AP2A2: variants seen among roughly 807,000 people sequenced by gnomAD.
The protein encoded by AP2A2 is AP-2 complex subunit alpha-2.
In AP2A2, 32 loss-of-function variants were observed where a neutral mutation model predicts 104.2. The ratio of observed to expected loss-of-function variants is 0.31; its 90% CI spans 0.23 to 0.41. The LOEUF is 0.41. Ranked by LOEUF, AP2A2 falls within the 10% of genes least tolerant of loss-of-function variation. The pLI is 1.00. For synonymous variants in AP2A2, 539 were observed against 533.3 expected (o/e 1.01, Z -0.15); for missense variants, 912 against 1,261.0 (o/e 0.72, Z 4.19).
chr11:969,148 T>C (rs1003520433), intron 2 of AP2A2, among the ~76,000 whole-genome samples: 1 of 149,758 alleles, frequency 6.7e-6, no homozygotes, highest in Non-Finnish European at 1.5e-5. Flanking sequence ...CACAGCCTGC[T>C]GGAGGCTGGC....
intron 1 of AP2A2, among the ~76,000 whole-genome samples, chr11:945,587 CCT>C (rs1256609243): frequency 6.6e-6 from 1 of 152,140 alleles, no homozygotes; most frequent in African/African-American, 2.4e-5. Context: ...CCCGCCTCGG[CCT>C]CTCAAAGTGC....
At chr11:1,010,453 G>C in intron 21 of AP2A2, 95 bp from the exon 22 acceptor site, 1 of 1,003,394 alleles carries the variant, frequency 1.0e-6, no homozygotes, top group Non-Finnish European at 1.5e-6. Context: ...AGTGGTCCCT[G>C]GGCATGGCCC....
chr11:950,146 T>C (rs1053907757), intron 1 of AP2A2, among the ~76,000 whole-genome samples: 5 of 152,088 alleles, frequency 3.3e-5, no homozygotes, highest in African/African-American at 1.2e-4. Flanking sequence ...CTTAAACAAA[T>C]GGTGCTGGGA....
chr11:941,076 G>A (rs1853630197), intron 1 of AP2A2, among the ~76,000 whole-genome samples: 1 of 152,154 alleles, frequency 6.6e-6, no homozygotes, highest in African/African-American at 2.4e-5. Context: ...GGGGGCCGAG[G>A]GGCCTGCCTG....
chr11:958,776 C>T (rs1031598029), intron 1 of AP2A2, among the ~76,000 whole-genome samples: 2 of 152,158 alleles, frequency 1.3e-5, no homozygotes, highest in African/African-American at 4.8e-5. Context: ...CCAAAGGTTC[C>T]ATCTTCAGAT....
chr11:930,105 A>G, intron 1 of AP2A2, among the ~76,000 whole-genome samples: 1 of 137,000 alleles, frequency 7.3e-6, no homozygotes, highest in African/African-American at 2.8e-5. Flanking sequence ...TGGGTGACAG[A>G]GCGAGACTCT....
At chr11:933,874 G>A (rs570941927) in intron 1 of AP2A2, among the ~76,000 whole-genome samples, 2 of 152,260 alleles carry the variant, frequency 1.3e-5, no homozygotes, top group South Asian at 4.1e-4. Context: ...GTTGATTCTC[G>A]ATTTTAAACG....
intron 1 of AP2A2, among the ~76,000 whole-genome samples, chr11:935,347 G>A (rs1212406846): frequency 6.6e-6 from 1 of 151,986 alleles, no homozygotes; most frequent in Non-Finnish European, 1.5e-5. Context: ...GTGAGCCACC[G>A]CGCCCAGCTG....
chr11:988,318 C>T lies in AP2A2; in HGVS notation c.1132-234C>T, dbSNP rs371381169. On this transcript the variant is annotated intron_variant, in intron 9 of 21. Transcript: ENST00000448903. ...ACGAGCGGGCAGAATCCAGGCAGTG[C>T]GCTGGGTCCTAGCGAAGCTGGCCTG... 3.9e-5 allele frequency among the ~76,000 whole-genome samples: 6 copies of T among 152,338 alleles called. 1 individual carries two copies. The highest frequency in any genetic ancestry group is 2.6e-4 in the Admixed American group (4 of 15,302).
intron 10 of AP2A2, among the ~76,000 whole-genome samples, chr11:991,266 A>G (rs1012072107): frequency 2.0e-4 from 30 of 152,288 alleles, no homozygotes; most frequent in Non-Finnish European, 3.4e-4. Context: ...CTCCCTGCCT[A>G]CTCGGCACCT....
chr11:1,008,105 C>T lies in AP2A2; in HGVS notation c.2390C>T (p.Thr797Met), dbSNP rs372318173. The T allele has an allele frequency of 3.9e-5, 63 of 1,605,988 alleles. No homozygotes were observed. The highest frequency in any genetic ancestry group is 4.5e-5 in the East Asian group (2 of 44,498). Residue 797 changes from threonine (T) to methionine (M), a missense_variant, in exon 18 of 22, where the codon ACG becomes ATG. Transcript: ENST00000448903. ...AACATAGAGTGCGTGTCCGACTTCACGGAGGCGCCAGTCCTCAACATTCAG... is the reference window on the plus strand; with the variant it reads ...AACATAGAGTGCGTGTCCGACTTCATGGAGGCGCCAGTCCTCAACATTCAG... ...VVNIECVSDF[T>M]EAPVLNIQFR...
intron 4 of AP2A2, among the ~76,000 whole-genome samples, chr11:974,096 T>C (rs1282639894): frequency 2.0e-5 from 3 of 152,048 alleles, no homozygotes; most frequent in East Asian, 3.9e-4. Flanking sequence ...CATCTGCGGC[T>C]GGAAGGGAGC....
chr11:962,673 C>T (rs981805007), intron 2 of AP2A2, among the ~76,000 whole-genome samples: 5 of 151,926 alleles, frequency 3.3e-5, no homozygotes, highest in African/African-American at 1.2e-4. Flanking sequence ...GCGGAGGTTG[C>T]AGTGAGCCGA....
intron 1 of AP2A2, among the ~76,000 whole-genome samples, chr11:936,605 A>T (rs1853466983): frequency 6.6e-6 from 1 of 151,666 alleles, no homozygotes; most frequent in Non-Finnish European, 1.5e-5. Flanking sequence ...CCAGGCTGAT[A>T]ACGAACTCCT....
chr11:946,899 A>T (rs1026871335), intron 1 of AP2A2: 2 of 152,144 alleles, frequency 1.3e-5, no homozygotes, highest in Non-Finnish European at 2.9e-5. Flanking sequence ...ACTAGGTGGT[A>T]GGATACGTGA....
chr11:984,610 C>T (rs373240593), intron 6 of AP2A2, 35 bp from the exon 7 acceptor site: 221 of 1,538,822 alleles, frequency 1.4e-4, no homozygotes, highest in Non-Finnish European at 1.9e-4. Flanking sequence ...GGCTCGTGTC[C>T]GGCAGCGTGT....
At chr11:967,061 G>T (rs936738698) in intron 2 of AP2A2, among the ~76,000 whole-genome samples, 1 of 152,038 alleles carries the variant, frequency 6.6e-6, no homozygotes, top group Middle Eastern at 3.2e-3. Context: ...CAGCTACTCG[G>T]GAGGCAGAGG....
intron 1 of AP2A2, among the ~76,000 whole-genome samples, chr11:930,026 C>T (rs1366715115): frequency 6.8e-6 from 1 of 146,740 alleles, no homozygotes; most frequent in South Asian, 2.2e-4. Context: ...GGGGCTGAGG[C>T]GGAAGAATCG....
At chr11:961,870 C>T (rs1405247984) in intron 2 of AP2A2, among the ~76,000 whole-genome samples, 6 of 142,408 alleles carry the variant, frequency 4.2e-5, no homozygotes, top group Non-Finnish European at 9.2e-5. Flanking sequence ...GTCGCCGCCA[C>T]CAGTGAAAAG....
Sources: gnomAD v4.1 joint callset for allele counts (sites outside exome capture counted in the v4.1 genomes callset) on GRCh38, gnomAD v4.1.1 for gene constraint, MANE v1.5 for transcripts, NCBI Gene and HGNC (gene_info 2026-07-23, HGNC 2026-07-21) for gene names.